DACH2: variants seen among roughly 807,000 people sequenced by gnomAD.
The protein encoded by DACH2 is dachshund homolog 2.
DACH2 carries 17 observed loss-of-function variants against 35.8 expected under a neutral mutation model. The observed-to-expected ratio is 0.48, with a 90% confidence interval of 0.33 to 0.71. The LOEUF is 0.71. Among genes scored for constraint, DACH2 ranks in the 30% least tolerant of loss-of-function variants. The pLI is 0.02. For synonymous variants in DACH2, 195 were observed against 177.3 expected, an observed-to-expected ratio of 1.10 and a Z score of -0.79; for missense variants, 469 against 472.7, an observed-to-expected ratio of 0.99 and a Z score of 0.07.
At chrX:86,324,932 C>G (rs2035085967) in intron 1 of DACH2, among the ~76,000 whole-genome samples, 1 of 109,936 alleles carries the variant, frequency 9.1e-6, no homozygotes, top group African/African-American at 3.3e-5. Flanking sequence ...CCTCCACCAG[C>G]AAAAGTATTA....
chrX:86,566,801 C>A lies in DACH2; in HGVS notation c.640+52410C>A, dbSNP rs920180143. On this transcript the variant is annotated intron_variant, in intron 3 of 11. Coordinates refer to ENST00000373125, the MANE Select transcript of DACH2 (RefSeq NM_053281.3). ...TAATTTCACATTCAATTTCTTATTT[C>A]TTTTATCCTCGCAAGTATCCTATAA... is the stretch of plus-strand genomic sequence containing the variant. Among the ~76,000 whole-genome samples, 3 of 110,856 alleles carry A rather than the reference C, an allele frequency of 2.7e-5. No individual in the cohort carries two copies. In the Admixed American group the frequency reaches 2.9e-4, roughly 11 times the overall value.
intron 2 of DACH2, among the ~76,000 whole-genome samples, chrX:86,410,959 T>C (rs2036600212): frequency 1.0e-5 from 1 of 99,191 alleles, no homozygotes; most frequent in African/African-American, 3.7e-5. Context: ...TAGTATATTG[T>C]GAAAGTAGTG....
chrX:86,195,729 C>A (rs1015392371), intron 1 of DACH2, among the ~76,000 whole-genome samples: 2 of 111,563 alleles, frequency 1.8e-5, no homozygotes, highest in African/African-American at 6.5e-5. Context: ...ACCACCCCCA[C>A]ACCCCAGTGC....
intron 1 of DACH2, among the ~76,000 whole-genome samples, chrX:86,319,368 T>A (rs1033092364): frequency 5.3e-5 from 6 of 112,265 alleles, no homozygotes; most frequent in Non-Finnish European, 1.1e-4. Flanking sequence ...CTGTTTTTTT[T>A]ACTCACCTCG....
At chrX:86,502,487 A>G (rs1166426860) in intron 2 of DACH2, among the ~76,000 whole-genome samples, 1 of 112,215 alleles carries the variant, frequency 8.9e-6, no homozygotes, top group Admixed American at 9.5e-5. Context: ...AACAATCAAC[A>G]TATTTTTTTC....
At chrX:86,254,807 T>TATATATATATATAGAGAG (rs1380613474) in intron 1 of DACH2, among the ~76,000 whole-genome samples, 7 of 49,648 alleles carry the variant, frequency 1.4e-4, no homozygotes, top group South Asian at 1.4e-3. Flanking sequence ...TATATATATA[T>TATATATATATATAGAGAG]AGAGAGAGAG....
intron 7 of DACH2, among the ~76,000 whole-genome samples, chrX:86,761,856 C>T (rs921809520): frequency 5.8e-5 from 6 of 102,712 alleles, no homozygotes; most frequent in African/African-American, 2.1e-4. Context: ...CATACACTGG[C>T]ACCATGATAG....
At position 86,192,727 on chromosome X, in the gene DACH2, A is replaced by G. The variant is rs187360064; in HGVS notation, c.488+43619A>G. Among the ~76,000 whole-genome samples, 389 of 112,054 alleles carry G rather than the reference A, an allele frequency of 3.5e-3. 3 individuals carry two copies. Among genetic ancestry groups the G allele is most frequent in the African/African-American group, 0.012 (364 of 30,922 alleles). ...TCAATTGCCAGTAAGTAAATGATCT[A>G]CTCCTGTTTCCTATCTTCAAGGAAT... On this transcript the variant is annotated intron_variant, in intron 1 of 11. Coordinates refer to ENST00000373125, the MANE Select transcript of DACH2 (RefSeq NM_053281.3).
intron 2 of DACH2, among the ~76,000 whole-genome samples, chrX:86,497,290 A>C (rs1381084666): frequency 8.9e-6 from 1 of 111,899 alleles, no homozygotes; most frequent in East Asian, 2.8e-4. Flanking sequence ...GAGGCCTTAC[A>C]ATATTGGTTT....
At position 86,740,751 on chromosome X, in the gene DACH2, C is replaced by T. The variant is rs190520124; in HGVS notation, c.1240+869C>T. ...ACCATGAGTTTCTTTACCTATTATA[C>T]GGAAAAAACTTATCACCCTGCCTAA... On this transcript the variant is annotated intron_variant, in intron 7 of 11. Coordinates refer to ENST00000373125, the MANE Select transcript of DACH2 (RefSeq NM_053281.3). Among the ~76,000 whole-genome samples the T allele has an allele frequency of 5.4e-4, 59 of 109,188 alleles. 2 individuals are homozygous for T. The East Asian group carries it at 0.014, about 26-fold the overall frequency. 94.8% of individuals were successfully genotyped at this position (109,188 alleles called of 115,157 possible).
intron 3 of DACH2, among the ~76,000 whole-genome samples, chrX:86,528,380 T>C (rs901868688): frequency 9.0e-5 from 10 of 111,457 alleles, no homozygotes; most frequent in African/African-American, 2.3e-4. Flanking sequence ...AGGAGAAAAA[T>C]TATTTTCCTT....
intron 1 of DACH2, among the ~76,000 whole-genome samples, chrX:86,151,867 C>T (rs759655432): frequency 4.5e-5 from 5 of 110,500 alleles, no homozygotes; most frequent in African/African-American, 1.6e-4. Context: ...AGATGAGACT[C>T]GAGGCCAGTG....
chrX:86,230,546 G>A (rs1407951070), intron 1 of DACH2, among the ~76,000 whole-genome samples: 1 of 111,298 alleles, frequency 9.0e-6, no homozygotes, highest in Non-Finnish European at 1.9e-5. Context: ...TTGTGGAATA[G>A]TGTCAAAAGG....
intron 3 of DACH2, among the ~76,000 whole-genome samples, chrX:86,549,179 T>TG (rs2039013728): frequency 8.9e-6 from 1 of 111,973 alleles, no homozygotes; most frequent in Non-Finnish European, 1.9e-5. Flanking sequence ...TTTAGGTTAA[T>TG]GGCTGGGAAA....
chrX:86,750,288 G>T (rs954932822), intron 7 of DACH2, among the ~76,000 whole-genome samples: 7 of 111,486 alleles, frequency 6.3e-5, no homozygotes, highest in African/African-American at 2.3e-4. Context: ...TTTGTTTTGT[G>T]TATTTACTAT....
At chrX:86,157,824 T>C (rs1419082445) in intron 1 of DACH2, among the ~76,000 whole-genome samples, 3 of 111,516 alleles carry the variant, frequency 2.7e-5, no homozygotes, top group Non-Finnish European at 5.7e-5. Flanking sequence ...TTATTTTTAT[T>C]ATCATATTGT....
intron 4 of DACH2, among the ~76,000 whole-genome samples, chrX:86,656,819 A>C (rs2148411268): frequency 1.0e-5 from 1 of 98,775 alleles, no homozygotes; most frequent in South Asian, 5.1e-4. Flanking sequence ...TCAAGCCATA[A>C]AATACATACA....
At chrX:86,198,228 T>C (rs1321631700) in intron 1 of DACH2, among the ~76,000 whole-genome samples, 5 of 112,003 alleles carry the variant, frequency 4.5e-5, no homozygotes, top group Non-Finnish European at 7.5e-5. Context: ...AAAGCAAAGA[T>C]ACAACATACC....
At chrX:86,425,814 G>A (rs1177060928) in intron 2 of DACH2, among the ~76,000 whole-genome samples, 1 of 110,565 alleles carries the variant, frequency 9.0e-6, no homozygotes. Context: ...GAGATTTGAG[G>A]TACAGTATTA....
Sources: gnomAD v4.1 joint callset for allele counts (sites outside exome capture counted in the v4.1 genomes callset) on GRCh38, gnomAD v4.1.1 for gene constraint, MANE v1.5 for transcripts, NCBI Gene and HGNC (gene_info 2026-07-23, HGNC 2026-07-21) for gene names.